The following TBXAS1 variants were observed in gnomAD, a reference collection of about 807,000 sequenced individuals.
The protein encoded by TBXAS1 is thromboxane-A synthase.
A neutral mutation model predicts 60.7 loss-of-function variants in TBXAS1; 48 were observed. The ratio of observed to expected loss-of-function variants is 0.79; its 90% confidence interval spans 0.63 to 1.01. The LOEUF is 1.01. Among genes scored for constraint, TBXAS1 ranks in the 50% least tolerant of loss-of-function variants. TBXAS1 has a pLI of 0.00. For missense variants in TBXAS1, 685 were observed against 686.3 expected, an observed-to-expected ratio of 1.00 and a Z score of 0.02; for synonymous variants, 287 against 269.7, an observed-to-expected ratio of 1.06 and a Z score of -0.63.
In TBXAS1 at chr7:139,955,455, G is replaced by T. The variant is rs750511169; in HGVS notation, c.540-4G>T. 1.2e-6 allele frequency: 2 copies of T among 1,614,036 alleles called. No homozygotes were observed. Among genetic ancestry groups the T allele is most frequent in the Non-Finnish European group, 8.5e-7 (1 of 1,180,032 alleles). ...TCAGATCTCTGTGCTCCCATCTCCC[G>T]TAGGTGCTACTGCAATTACACCACA... On this transcript the variant is annotated splice_region_variant and splice_polypyrimidine_tract_variant and intron_variant, in intron 6 of 12. Coordinates refer to ENST00000448866, the MANE Select transcript of TBXAS1 (RefSeq NM_001061.7).
intron 4 of TBXAS1, among the ~76,000 whole-genome samples, chr7:139,812,785 G>C (rs547409651): frequency 6.6e-6 from 1 of 152,100 alleles, no homozygotes; most frequent in Non-Finnish European, 1.5e-5. Context: ...AGCCAAGCAC[G>C]GTGACTCACG....
chr7:139,898,748 T>C (rs1466651723), intron 3 of TBXAS1, among the ~76,000 whole-genome samples: 1 of 152,202 alleles, frequency 6.6e-6, no homozygotes, highest in Non-Finnish European at 1.5e-5. Context: ...GTGTGGCCCA[T>C]GGAAGGTGAC....
chr7:139,900,861 A>G (rs1474000201), intron 3 of TBXAS1, among the ~76,000 whole-genome samples: 2 of 152,180 alleles, frequency 1.3e-5, no homozygotes, highest in South Asian at 2.1e-4. Flanking sequence ...AGAAATCCCA[A>G]TGAAGGATCC....
chr7:139,932,831 A>G (rs2117171265), intron 4 of TBXAS1, among the ~76,000 whole-genome samples: 1 of 152,252 alleles, frequency 6.6e-6, no homozygotes, highest in South Asian at 2.1e-4. Flanking sequence ...CCAAGGTGGG[A>G]GGATCTCTTG....
chr7:139,960,094 C>A (rs544318585), intron 8 of TBXAS1, among the ~76,000 whole-genome samples: 1 of 152,222 alleles, frequency 6.6e-6, no homozygotes, highest in African/African-American at 2.4e-5. Flanking sequence ...ATTTTCTCAG[C>A]TATTACAACC....
Position 140,020,056 on chromosome 7 carries a change from T to C in TBXAS1, c.1559T>C (p.Leu520Pro), listed in dbSNP as rs777123902. 3 of 1,613,010 alleles carry C rather than the reference T, an allele frequency of 1.9e-6. No individual in the cohort carries two copies. Among genetic ancestry groups the C allele is most frequent in the Non-Finnish European group, 2.5e-6 (3 of 1,179,862 alleles). ...CTGCAGCTAGAATCCAAATCTGCCC[T>C]AGGTCCAAAAAATGGTGTCTATATC... Reference protein sequence around the residue: ...VPLQLESKSALGPKNGVYIKI... With the variant: ...VPLQLESKSAPGPKNGVYIKI... The change falls in exon 13 of 13, where the codon CTA becomes CCA. Residue 520 changes from leucine to proline, a missense_variant. Leu to Pro is a moderately conservative substitution (Grantham distance 98). Coordinates refer to ENST00000448866, the MANE Select transcript of TBXAS1 (RefSeq NM_001061.7).
At position 140,019,967 on chromosome 7, in the gene TBXAS1, T is replaced by C; in HGVS notation, c.1528-58T>C. 3.2e-6 allele frequency: 5 copies of C among 1,552,842 alleles called. No homozygotes were observed. The Admixed American group carries it at 8.4e-5, about 26-fold the overall frequency. ...GCCTTCTTGAACCTCCAAGTCTTCATTTGTACAGTGAGATGCTACTATCTC... is the reference window on the plus strand; with the variant it reads ...GCCTTCTTGAACCTCCAAGTCTTCACTTGTACAGTGAGATGCTACTATCTC... On this transcript the variant is annotated intron_variant, in intron 12 of 12. Transcript: ENST00000448866.
At chr7:139,818,169 T>A (rs138091703) in intron 4 of TBXAS1, among the ~76,000 whole-genome samples, 1 of 152,252 alleles carries the variant, frequency 6.6e-6, no homozygotes, top group Non-Finnish European at 1.5e-5. Context: ...ATGGATCATC[T>A]CTGGGAGGCC....
intron 4 of TBXAS1, among the ~76,000 whole-genome samples, chr7:139,819,809 A>G (rs777135492): frequency 6.6e-6 from 1 of 151,290 alleles, no homozygotes; most frequent in Non-Finnish European, 1.5e-5. Context: ...AGCCTCCCCA[A>G]CTCAGCTCTT....
chr7:139,925,644 T>C (rs1441109750), intron 4 of TBXAS1, among the ~76,000 whole-genome samples: 1 of 152,252 alleles, frequency 6.6e-6, no homozygotes, highest in Non-Finnish European at 1.5e-5. Context: ...TTTCATTCTC[T>C]TGACTGATTA....
At chr7:139,914,436 A>G (rs1805805169) in intron 4 of TBXAS1, among the ~76,000 whole-genome samples, 1 of 152,206 alleles carries the variant, frequency 6.6e-6, no homozygotes, top group Non-Finnish European at 1.5e-5. Flanking sequence ...GGTCACAACC[A>G]GTGGCAGAAC....
chr7:139,984,640 GAGAA>G (rs72314614), intron 9 of TBXAS1, among the ~76,000 whole-genome samples: 27,596 of 99,624 alleles, frequency 0.28, 4,260 homozygotes, highest in East Asian at 0.43. Flanking sequence ...GAGAGAGAGA[GAGAA>G]AGAAAGAAAG....
intron 3 of TBXAS1, among the ~76,000 whole-genome samples, chr7:139,905,161 G>C (rs1804976339): frequency 6.6e-6 from 1 of 151,420 alleles, no homozygotes; most frequent in Non-Finnish European, 1.5e-5. Context: ...TGTTGAAGAG[G>C]AGTGGTGGGA....
chr7:139,809,652 A>G (rs970856776), intron 4 of TBXAS1, among the ~76,000 whole-genome samples: 2 of 152,180 alleles, frequency 1.3e-5, no homozygotes, highest in Non-Finnish European at 2.9e-5. Flanking sequence ...GTCTGCTGGT[A>G]CAAGTTCCAG....
In TBXAS1 at chr7:139,950,278, C is replaced by T. The variant is rs144343535; in HGVS notation, c.451-3090C>T. 2.4e-4 allele frequency among the ~76,000 whole-genome samples: 37 copies of T among 152,042 alleles called. 1 individual carries two copies. Among genetic ancestry groups the T allele is most frequent in the East Asian group, 7.7e-4 (4 of 5,168 alleles). ...TTTGAACTCCTGACTTCAAGTGATC[C>T]GCCTGCCTTGGCCTCCGAAAGTGCT... is the stretch of plus-strand genomic sequence containing the variant. On this transcript the variant is annotated intron_variant, in intron 5 of 12. Transcript: ENST00000448866.
rs191480377 is a variant in TBXAS1 at position 139,850,641 on chromosome 7, G to A, written c.89+21162G>A. Among the ~76,000 whole-genome samples the A allele has an allele frequency of 4.6e-5, 7 of 152,250 alleles. No homozygotes were observed. In the South Asian group the frequency reaches 6.2e-4, roughly 14 times the overall value. Reference sequence around the variant, plus strand: ...GATTTGGAAATAGGGTCTTTACAGCGGTAATCAAGTTAAGATGAGGTCCTA... The same window carrying A: ...GATTTGGAAATAGGGTCTTTACAGCAGTAATCAAGTTAAGATGAGGTCCTA... On this transcript the variant is annotated intron_variant, in intron 1 of 12. Coordinates refer to ENST00000448866, the MANE Select transcript of TBXAS1 (RefSeq NM_001061.7).
chr7:139,891,257 T>A (rs894308955), intron 3 of TBXAS1, among the ~76,000 whole-genome samples: 14 of 149,654 alleles, frequency 9.4e-5, no homozygotes, highest in Non-Finnish European at 1.6e-4. Flanking sequence ...ATTTATTTAT[T>A]TATATATATA....
intron 5 of TBXAS1, among the ~76,000 whole-genome samples, chr7:139,936,559 C>T (rs1034765419): frequency 2.6e-5 from 4 of 152,158 alleles, no homozygotes; most frequent in Non-Finnish European, 5.9e-5. Context: ...ACAGGGCATT[C>T]GCCTGTGTCC....
At chr7:139,828,103 TC>T (rs1798496710), upstream of TBXAS1, among the ~76,000 whole-genome samples, 2 of 152,224 alleles carry the variant, frequency 1.3e-5, no homozygotes, top group Admixed American at 1.3e-4. Flanking sequence ...CTCTTCTTCC[TC>T]AGGAACACCA....
Sources: gnomAD v4.1 joint callset for allele counts (sites outside exome capture counted in the v4.1 genomes callset) on GRCh38, gnomAD v4.1.1 for gene constraint, MANE v1.5 for transcripts, NCBI Gene and HGNC (gene_info 2026-07-23, HGNC 2026-07-21) for gene names.